OPHN1: variants seen among roughly 807,000 people sequenced by gnomAD.
OPHN1 encodes oligophrenin 1, also known as oligophrenin-1.
OPHN1 carries 11 observed loss-of-function variants against 60.7 expected under a neutral mutation model. The ratio of observed to expected loss-of-function variants is 0.18; its 90% confidence interval spans 0.11 to 0.30. The LOEUF is 0.30. Among genes scored for constraint, OPHN1 ranks in the 10% least tolerant of loss-of-function variants. The pLI is 1.00. For missense variants in OPHN1, 449 were observed against 611.0 expected (o/e 0.73, Z 2.80); for synonymous variants, 226 against 222.6 (o/e 1.02, Z -0.14).
chrX:68,392,994 T>C lies in OPHN1; in HGVS notation c.154+39873A>G, dbSNP rs760196320. ...ATACAGAAAGCTGTCACACTGGCCC[T>C]CTGCCCTTGCAGAAAGGCAGAGGGT... On this transcript the variant is annotated intron_variant, in intron 2 of 24. Transcript: ENST00000355520. Among the ~76,000 whole-genome samples the C allele has an allele frequency of 1.1e-3, 118 of 112,027 alleles. 1 individual carries two copies. The highest frequency in any genetic ancestry group is 1.6e-3 in the Non-Finnish European group (83 of 53,147).
chrX:68,204,246 T>C (rs187567149), intron 10 of OPHN1, among the ~76,000 whole-genome samples: 31 of 112,255 alleles, frequency 2.8e-4, no homozygotes, highest in Admixed American at 7.6e-4. Context: ...TAAATTATCA[T>C]TTGAGAAGAT....
At chrX:68,075,064 C>T (rs185121706) in intron 19 of OPHN1, among the ~76,000 whole-genome samples, 2 of 112,292 alleles carry the variant, frequency 1.8e-5, no homozygotes, top group Non-Finnish European at 3.8e-5. Context: ...AGGAAAAATA[C>T]ATGCAACAGT....
rs777922983 is a variant in OPHN1 at position 68,274,702 on chromosome X, A to G, written c.384+36T>C. The G allele has an allele frequency of 4.0e-6, 4 of 995,123 alleles. No homozygotes were observed. The South Asian group carries it at 7.7e-5, about 19-fold the overall frequency. The allele number at this position is 995,123 out of a possible 1,213,427, so 82.0% of individuals were successfully genotyped here. A position where few individuals can be genotyped will look rare whatever the true frequency, so the allele number is the denominator to read the frequency against. ...TAGCCCATACAACTATTCGATTGCTATTTTAAAAAATCTTATGCATATACA... is the reference window on the plus strand; with the variant it reads ...TAGCCCATACAACTATTCGATTGCTGTTTTAAAAAATCTTATGCATATACA... On this transcript the variant is annotated intron_variant, in intron 5 of 24. Transcript: ENST00000355520.
At chrX:68,193,988 G>GCGA (rs1331289339) in intron 13 of OPHN1, 36 bp from the exon 14 acceptor site, 1 of 1,095,803 alleles carries the variant, frequency 9.1e-7, no homozygotes, top group African/African-American at 1.8e-5. Context: ...AGATCCTGCT[G>GCGA]CAACAGGTGT....
chrX:68,101,259 G>C (rs919648996), intron 18 of OPHN1, among the ~76,000 whole-genome samples: 2 of 112,015 alleles, frequency 1.8e-5, no homozygotes, highest in African/African-American at 6.5e-5. Context: ...ATTTTAAATA[G>C]AAAATAAACT....
chrX:68,416,880 C>T (rs10127053), intron 2 of OPHN1, among the ~76,000 whole-genome samples: 4,921 of 111,737 alleles, frequency 0.044, 293 homozygotes, highest in African/African-American at 0.15. Context: ...AATTCTGCCA[C>T]TTTATTGCAA....
chrX:68,121,750 T>C (rs1277201537), intron 15 of OPHN1, among the ~76,000 whole-genome samples: 1 of 107,052 alleles, frequency 9.3e-6, no homozygotes, highest in Non-Finnish European at 1.9e-5. Flanking sequence ...AGCTCAAGGC[T>C]CCAAAAGATA....
At chrX:68,430,377 T>G (rs1174202468) in intron 2 of OPHN1, among the ~76,000 whole-genome samples, 1 of 111,915 alleles carries the variant, frequency 8.9e-6, no homozygotes, top group East Asian at 2.8e-4. Flanking sequence ...TTTCTACCTG[T>G]CCTATTTTTG....
chrX:68,053,849 C>G (rs1354836078), intron 21 of OPHN1, 39 bp from the exon 22 acceptor site: 1 of 1,185,781 alleles, frequency 8.4e-7, no homozygotes, highest in Admixed American at 2.3e-5. Flanking sequence ...GGATGGTTAG[C>G]CAAACAGAAC....
intron 2 of OPHN1, among the ~76,000 whole-genome samples, chrX:68,320,737 G>A (rs1569279408): frequency 1.8e-5 from 2 of 110,558 alleles, no homozygotes; most frequent in South Asian, 3.9e-4. Flanking sequence ...CTGGGGGCTC[G>A]GTACCACAAC....
At chrX:68,246,126 T>C in intron 5 of OPHN1, among the ~76,000 whole-genome samples, 2 of 111,814 alleles carry the variant, frequency 1.8e-5, no homozygotes, top group Non-Finnish European at 3.8e-5. Flanking sequence ...ACTTTGACAC[T>C]TGCCATTATC....
chrX:68,411,248 G>T (rs1184520048), intron 2 of OPHN1, among the ~76,000 whole-genome samples: 1 of 111,869 alleles, frequency 8.9e-6, no homozygotes, highest in Non-Finnish European at 1.9e-5. Flanking sequence ...TGTCACCCAC[G>T]TAATAAGCAT....
At chrX:68,268,515 A>T (rs964494846) in intron 5 of OPHN1, among the ~76,000 whole-genome samples, 3 of 112,048 alleles carry the variant, frequency 2.7e-5, no homozygotes, top group African/African-American at 9.7e-5. Flanking sequence ...ATAGATGCAG[A>T]AAAGGCCTTT....
At chrX:68,426,898 A>C (rs1462291085) in intron 2 of OPHN1, among the ~76,000 whole-genome samples, 1 of 100,972 alleles carries the variant, frequency 9.9e-6, no homozygotes, top group South Asian at 4.8e-4. Context: ...AAACAAAAAA[A>C]AAAAAACAAA....
chrX:68,236,003 T>C (rs1000787910), intron 5 of OPHN1, among the ~76,000 whole-genome samples: 1 of 111,342 alleles, frequency 9.0e-6, no homozygotes, highest in Non-Finnish European at 1.9e-5. Flanking sequence ...AAGTCTATTA[T>C]CTCATTTAGA....
At chrX:68,094,227 A>G (rs1335287019) in intron 19 of OPHN1, among the ~76,000 whole-genome samples, 3 of 111,166 alleles carry the variant, frequency 2.7e-5, no homozygotes, top group Non-Finnish European at 5.7e-5. Flanking sequence ...CTGTAGGGCT[A>G]TTTGTGGATT....
chrX:68,136,291 CTTTTTTT>C (rs779712280), intron 15 of OPHN1, among the ~76,000 whole-genome samples: 24,847 of 61,117 alleles, frequency 0.41, 2,301 homozygotes, highest in South Asian at 0.6. Flanking sequence ...AATATCTTTT[CTTTTTTT>C]TTTTTTTTTT....
At chrX:68,124,616 C>T (rs2077162538) in intron 15 of OPHN1, among the ~76,000 whole-genome samples, 1 of 111,149 alleles carries the variant, frequency 9.0e-6, no homozygotes, top group South Asian at 3.8e-4. Context: ...CACCTCAGCA[C>T]ATGGATCATT....
At chrX:68,248,395 T>C (rs2077817671) in intron 5 of OPHN1, among the ~76,000 whole-genome samples, 1 of 110,985 alleles carries the variant, frequency 9.0e-6, no homozygotes, top group Non-Finnish European at 1.9e-5. Context: ...TAATGAGATA[T>C]CATCTCACCC....
Sources: allele counts gnomAD v4.1 joint callset (sites outside exome capture counted in the v4.1 genomes callset), GRCh38; gene constraint gnomAD v4.1.1; transcripts MANE v1.5; gene names NCBI Gene and HGNC (gene_info 2026-07-23, HGNC 2026-07-21).